Variants in TMEM132D observed in about 807,000 individuals in gnomAD.
TMEM132D encodes mature OL transmembrane protein.
A neutral mutation model predicts 62.3 loss-of-function variants in TMEM132D; 21 were observed. The ratio of observed to expected loss-of-function variants is 0.34; its 90% CI spans 0.24 to 0.49. The LOEUF is 0.49. Ranked by LOEUF, TMEM132D falls within the 20% of genes least tolerant of loss-of-function variation. The pLI, the probability that TMEM132D is intolerant of heterozygous loss-of-function variation, is 0.99. For synonymous variants in TMEM132D, 621 were observed against 575.6 expected, an observed-to-expected ratio of 1.08 and a Z score of -1.13; for missense variants, 1,346 against 1,402.8, an observed-to-expected ratio of 0.96 and a Z score of 0.65.
intron 1 of TMEM132D, among the ~76,000 whole-genome samples, chr12:129,812,631 C>T (rs566705644): frequency 6.6e-6 from 1 of 151,916 alleles, no homozygotes; most frequent in East Asian, 1.9e-4. Context: ...CTCTTGACCG[C>T]TCAACAGCAT....
Position 129,899,230 on chromosome 12 carries a change from A to AGGAT in TMEM132D, c.79+4027_79+4030dup, listed in dbSNP as rs1354364571. Among the ~76,000 whole-genome samples, 125 of 138,252 alleles carry AGGAT rather than the reference A, an allele frequency of 9.0e-4. 6 individuals carry two copies. The highest frequency in any genetic ancestry group is 5.7e-3 in the South Asian group (26 of 4,536). The allele number at this position is 138,252 out of a possible 152,430, so 90.7% of individuals were successfully genotyped here. A position where few individuals can be genotyped will look rare whatever the true frequency, so the allele number is the denominator to read the frequency against. ...ATGGATGGGCAGACAGACAGATGGA[A>AGGAT]GGATGGATGGATGGATGGATGCACG... is the stretch of plus-strand genomic sequence containing the variant. On this transcript the variant is annotated intron_variant, in intron 1 of 8. Coordinates refer to ENST00000422113, the MANE Select transcript of TMEM132D (RefSeq NM_133448.3).
At chr12:129,316,223 A>T (rs772740720) in intron 4 of TMEM132D, among the ~76,000 whole-genome samples, 2 of 151,822 alleles carry the variant, frequency 1.3e-5, no homozygotes, top group African/African-American at 4.8e-5. Flanking sequence ...CTTGCTCCTT[A>T]AGGTGTGACC....
Position 129,556,904 on chromosome 12 carries a change from T to G in TMEM132D, c.969-25699A>C, listed in dbSNP as rs1393162028. ...CTCCAGAATAATTTTGACAAAACTT[T>G]GTATCCCCAGGCACATTTTAAAGTT... On this transcript the variant is annotated intron_variant, in intron 2 of 8. Transcript: ENST00000422113. Among the ~76,000 whole-genome samples the G allele has an allele frequency of 4.6e-5, 7 of 152,342 alleles. No homozygotes were observed. The East Asian group carries it at 1.2e-3, about 25-fold the overall frequency.
chr12:129,546,187 C>T (rs1383301805), intron 2 of TMEM132D, among the ~76,000 whole-genome samples: 1 of 151,764 alleles, frequency 6.6e-6, no homozygotes, highest in Non-Finnish European at 1.5e-5. Context: ...AGGTACTCTG[C>T]CCTGCAATCA....
Position 129,339,077 on chromosome 12 carries a change from C to T in TMEM132D, c.1116-1260G>A, listed in dbSNP as rs142603538. ...CTTGAAGTCAGGAGTTTGAGACCAG[C>T]TTGGCCAACAGGGCAAAACTCTATC... is the stretch of plus-strand genomic sequence containing the variant. On this transcript the variant is annotated intron_variant, in intron 3 of 8. Transcript: ENST00000422113. 5.7e-4 allele frequency among the ~76,000 whole-genome samples: 87 copies of T among 152,204 alleles called. 3 individuals are homozygous for T. In the East Asian group the frequency reaches 0.016, roughly 28 times the overall value.
intron 2 of TMEM132D, among the ~76,000 whole-genome samples, chr12:129,604,168 G>T (rs536966787): frequency 6.6e-6 from 1 of 152,170 alleles, no homozygotes; most frequent in Non-Finnish European, 1.5e-5. Flanking sequence ...GCCCGTCGAG[G>T]GGTTGGGGGT....
At chr12:129,689,385 A>G (rs1353807871) in intron 2 of TMEM132D, among the ~76,000 whole-genome samples, 2 of 152,238 alleles carry the variant, frequency 1.3e-5, no homozygotes, top group Admixed American at 6.5e-5. Context: ...TCTAAATATT[A>G]TACAAGTTCT....
chr12:129,535,779 T>TGC (rs1555263436), intron 2 of TMEM132D, among the ~76,000 whole-genome samples: 4 of 37,054 alleles, frequency 1.1e-4, no homozygotes, highest in South Asian at 1.6e-3. Context: ...TTTGTGTGCG[T>TGC]GTGTGTGTGT....
intron 3 of TMEM132D, among the ~76,000 whole-genome samples, chr12:129,338,463 C>T (rs1329992500): frequency 1.3e-5 from 2 of 152,082 alleles, no homozygotes; most frequent in Non-Finnish European, 2.9e-5. Context: ...GAAACAAATC[C>T]ACCTAGGACT....
At chr12:129,593,260 C>T (rs1403342868) in intron 2 of TMEM132D, among the ~76,000 whole-genome samples, 1 of 152,182 alleles carries the variant, frequency 6.6e-6, no homozygotes, top group Non-Finnish European at 1.5e-5. Flanking sequence ...TGGTTTTCTT[C>T]CTAGCACCAT....
At chr12:129,899,139 G>A (rs1295463013) in intron 1 of TMEM132D, among the ~76,000 whole-genome samples, 76 of 150,694 alleles carry the variant, frequency 5.0e-4, no homozygotes, top group African/African-American at 1.2e-3. Context: ...ATGAATGGAT[G>A]GATGAAATGA....
chr12:129,671,588 G>T (rs1406859903), intron 2 of TMEM132D, among the ~76,000 whole-genome samples: 1 of 152,142 alleles, frequency 6.6e-6, no homozygotes, highest in Non-Finnish European at 1.5e-5. Context: ...ATATGGAAAA[G>T]ATAAGATGAG....
rs1428619851 is a variant in TMEM132D at position 129,612,844 on chromosome 12, C to A, written c.969-81639G>T. On this transcript the variant is annotated intron_variant, in intron 2 of 8. Transcript: ENST00000422113. ...ATCACGCCACTGTACTCCAGCCTGGCGACAGAGCGAGACTCCGTCTCCAAC... is the reference window on the plus strand; with the variant it reads ...ATCACGCCACTGTACTCCAGCCTGGAGACAGAGCGAGACTCCGTCTCCAAC... Among the ~76,000 whole-genome samples the A allele has an allele frequency of 9.2e-5, 14 of 152,250 alleles. No homozygotes were observed. In the East Asian group the frequency reaches 2.3e-3, roughly 25 times the overall value.
chr12:129,198,787 C>A (rs1225183326), intron 5 of TMEM132D, among the ~76,000 whole-genome samples: 1 of 152,226 alleles, frequency 6.6e-6, no homozygotes, highest in African/African-American at 2.4e-5. Context: ...TAAATTTCAA[C>A]TGTCCTCACT....
intron 2 of TMEM132D, among the ~76,000 whole-genome samples, chr12:129,695,533 C>A (rs944528695): frequency 6.6e-6 from 1 of 152,240 alleles, no homozygotes; most frequent in Admixed American, 6.5e-5. Flanking sequence ...CCACATGTCA[C>A]TGGACATTGG....
chr12:129,310,689 A>G (rs924223626), intron 4 of TMEM132D, among the ~76,000 whole-genome samples: 6 of 152,226 alleles, frequency 3.9e-5, no homozygotes, highest in African/African-American at 7.2e-5. Flanking sequence ...CTTGAAGAAC[A>G]TGGTATAAAC....
At chr12:129,503,216 T>C (rs1875210000) in intron 3 of TMEM132D, among the ~76,000 whole-genome samples, 1 of 152,222 alleles carries the variant, frequency 6.6e-6, no homozygotes, top group South Asian at 2.1e-4. Flanking sequence ...TTTTATATTA[T>C]TTACTATTTT....
chr12:129,786,783 T>G (rs959591937), intron 1 of TMEM132D, among the ~76,000 whole-genome samples: 3 of 152,086 alleles, frequency 2.0e-5, no homozygotes, highest in Non-Finnish European at 4.4e-5. Context: ...CCCAGCTACT[T>G]GGGAGGCTGA....
intron 2 of TMEM132D, among the ~76,000 whole-genome samples, chr12:129,646,885 C>T (rs1410885292): frequency 4.6e-5 from 7 of 151,368 alleles, no homozygotes; most frequent in African/African-American, 1.5e-4. Context: ...CTGCAACCTC[C>T]GCTTCTCAGG....
Sources: allele counts gnomAD v4.1 joint callset (sites outside exome capture counted in the v4.1 genomes callset), GRCh38; gene constraint gnomAD v4.1.1; transcripts MANE v1.5; gene names NCBI Gene and HGNC (gene_info 2026-07-23, HGNC 2026-07-21).